Variants in ADARB2 observed in about 807,000 individuals in gnomAD.
ADARB2 encodes the protein adenosine deaminase RNA specific B2 (inactive).
Under a neutral mutation model 62.2 loss-of-function variants are expected in ADARB2, and 25 were observed. The ratio of observed to expected loss-of-function variants is 0.40; its 90% CI spans 0.29 to 0.56. The LOEUF (loss-of-function observed/expected upper bound fraction) is 0.56, where lower values mean the gene tolerates loss of function less well. ADARB2 is among the 20% of genes least tolerant of loss of function. The pLI, the probability that ADARB2 is intolerant of heterozygous loss-of-function variation, is 0.43. For missense variants in ADARB2, 1,071 were observed against 1,077.4 expected, an observed-to-expected ratio of 0.99 and a Z score of 0.08; for synonymous variants, 572 against 500.8, an observed-to-expected ratio of 1.14 and a Z score of -1.90.
chr10:1,612,764 A>G (rs1429129237), intron 1 of ADARB2, among the ~76,000 whole-genome samples: 1 of 152,186 alleles, frequency 6.6e-6, no homozygotes, highest in African/African-American at 2.4e-5. Context: ...CCATGAGGTA[A>G]CAATGGTTTT....
At chr10:1,191,585 G>A (rs565150027) in intron 8 of ADARB2, among the ~76,000 whole-genome samples, 1 of 152,266 alleles carries the variant, frequency 6.6e-6, no homozygotes, top group East Asian at 1.9e-4. Flanking sequence ...GCTCACAGAC[G>A]CTTGTTAAAC....
chr10:1,359,805 A>G (rs1411717143), intron 3 of ADARB2, among the ~76,000 whole-genome samples: 1 of 152,138 alleles, frequency 6.6e-6, no homozygotes. Flanking sequence ...TGGGTCTCTG[A>G]CCACCCGACG....
At chr10:1,688,616 G>A (rs1172063887) in intron 1 of ADARB2, among the ~76,000 whole-genome samples, 1 of 152,084 alleles carries the variant, frequency 6.6e-6, no homozygotes, top group Non-Finnish European at 1.5e-5. Flanking sequence ...CTGGCCTTCT[G>A]ACTGTCATGT....
At chr10:1,360,254 G>T (rs955333456) in intron 3 of ADARB2, among the ~76,000 whole-genome samples, 1 of 152,220 alleles carries the variant, frequency 6.6e-6, no homozygotes, top group African/African-American at 2.4e-5. Context: ...TTTCCCCCCA[G>T]CCCCAGAGGT....
chr10:1,353,352 C>T (rs948179072), intron 3 of ADARB2, among the ~76,000 whole-genome samples: 5 of 152,206 alleles, frequency 3.3e-5, no homozygotes, highest in Middle Eastern at 3.2e-3. Flanking sequence ...AGCGAACATC[C>T]GCTGGCTTTG....
At chr10:1,376,018 TCA>T (rs1229878112) in intron 2 of ADARB2, among the ~76,000 whole-genome samples, 5 of 150,138 alleles carry the variant, frequency 3.3e-5, no homozygotes, top group East Asian at 3.9e-4. Context: ...ACACGTGAAC[TCA>T]CACACCCCAC....
chr10:1,231,275 A>G (rs1463157091), intron 6 of ADARB2, among the ~76,000 whole-genome samples: 1 of 152,226 alleles, frequency 6.6e-6, no homozygotes, highest in Non-Finnish European at 1.5e-5. Flanking sequence ...GGTCTTTACG[A>G]TGCCAACCCT....
At chr10:1,596,982 A>T (rs145962288) in intron 1 of ADARB2, among the ~76,000 whole-genome samples, 2 of 152,180 alleles carry the variant, frequency 1.3e-5, no homozygotes, top group African/African-American at 2.4e-5. Flanking sequence ...GCAGTGTGTG[A>T]TTGTTAAAGG....
At chr10:1,451,646 A>T (rs1202881194) in intron 1 of ADARB2, among the ~76,000 whole-genome samples, 1 of 132,778 alleles carries the variant, frequency 7.5e-6, no homozygotes, top group East Asian at 2.1e-4. Context: ...ACACACCTGT[A>T]TGAGAAGGGG....
chr10:1,302,950 A>G (rs539965285), intron 3 of ADARB2, among the ~76,000 whole-genome samples: 37 of 152,326 alleles, frequency 2.4e-4, no homozygotes, highest in African/African-American at 8.7e-4. Flanking sequence ...GAAAAACTGG[A>G]AACTCTAAAA....
At chr10:1,651,827 C>T (rs1834114954) in intron 1 of ADARB2, among the ~76,000 whole-genome samples, 1 of 90,430 alleles carries the variant, frequency 1.1e-5, no homozygotes, top group Non-Finnish European at 2.4e-5. Context: ...GCCCAGGGCC[C>T]CTCAGGGCTC....
At chr10:1,468,075 A>G (rs1381690395) in intron 1 of ADARB2, among the ~76,000 whole-genome samples, 3 of 152,232 alleles carry the variant, frequency 2.0e-5, no homozygotes, top group African/African-American at 7.2e-5. Context: ...TGTTTTTAAT[A>G]TGTCATCTAT....
At chr10:1,610,539 T>G (rs948465699) in intron 1 of ADARB2, among the ~76,000 whole-genome samples, 2 of 152,018 alleles carry the variant, frequency 1.3e-5, no homozygotes, top group African/African-American at 4.8e-5. Context: ...TGATGTGGGG[T>G]CGGGACAGGT....
intron 7 of ADARB2, among the ~76,000 whole-genome samples, chr10:1,214,126 CATGTAGGTTTGCACCTGTGTCCAGCGTA>C (rs1281659289): frequency 9.8e-6 from 1 of 101,774 alleles, no homozygotes. Context: ...TGTCCAGCGT[CATGTAGGTTTGCACCTGTGTCCAGCGTA>C]GTGTAGGTTT....
At chr10:1,520,611 T>C (rs1283460869) in intron 1 of ADARB2, among the ~76,000 whole-genome samples, 2 of 152,230 alleles carry the variant, frequency 1.3e-5, no homozygotes, top group African/African-American at 4.8e-5. Flanking sequence ...TGCATTACTT[T>C]TTGACATTTC....
intron 1 of ADARB2, among the ~76,000 whole-genome samples, chr10:1,653,136 A>G (rs4880902): frequency 0.54 from 82,658 of 152,078 alleles, 23,429 homozygotes; most frequent in East Asian, 0.74. Flanking sequence ...CCACCTTCCC[A>G]CGGAGGTGAC....
intron 1 of ADARB2, among the ~76,000 whole-genome samples, chr10:1,734,763 G>A (rs1406347911): frequency 6.6e-6 from 1 of 152,114 alleles, no homozygotes; most frequent in Non-Finnish European, 1.5e-5. Flanking sequence ...TCATACACAC[G>A]TGGATTTTAA....
Position 1,329,694 on chromosome 10 carries a change from C to T in ADARB2, c.1077+33334G>A, listed in dbSNP as rs545114273. Among the ~76,000 whole-genome samples, 9 of 152,270 alleles carry T rather than the reference C, an allele frequency of 5.9e-5. No homozygotes were observed. The South Asian group carries it at 6.2e-4, about 11-fold the overall frequency. ...TGGCTGCTTTTAAGATCTGTTTATTCGATGGTGTGGGACAAACAACATCCC... is the reference window on the plus strand; with the variant it reads ...TGGCTGCTTTTAAGATCTGTTTATTTGATGGTGTGGGACAAACAACATCCC... On this transcript the variant is annotated intron_variant, in intron 3 of 9. Coordinates refer to ENST00000381312, the MANE Select transcript of ADARB2 (RefSeq NM_018702.4).
intron 1 of ADARB2, among the ~76,000 whole-genome samples, chr10:1,611,417 G>A (rs905806266): frequency 1.1e-4 from 16 of 152,168 alleles, no homozygotes; most frequent in Admixed American, 5.9e-4. Flanking sequence ...CTCTCATTTC[G>A]TTGGAAAGCA....
Sources: gnomAD v4.1 joint callset for allele counts (sites outside exome capture counted in the v4.1 genomes callset) on GRCh38, gnomAD v4.1.1 for gene constraint, MANE v1.5 for transcripts, NCBI Gene and HGNC (gene_info 2026-07-23, HGNC 2026-07-21) for gene names.